PRKAB2: variants seen among roughly 807,000 people sequenced by gnomAD.
PRKAB2 encodes protein kinase AMP-activated non-catalytic subunit beta 2.
A neutral mutation model predicts 29.8 loss-of-function variants in PRKAB2; 18 were observed. That is an observed-to-expected ratio of 0.60 (90% CI 0.42 to 0.89). The LOEUF is 0.89. Among genes scored for constraint, PRKAB2 ranks in the 40% least tolerant of loss-of-function variants. The probability of loss-of-function intolerance (pLI) is 0.00; values close to 1 mark genes in which losing one functional copy is unlikely to be tolerated. For synonymous variants in PRKAB2, 136 were observed against 125.9 expected, an observed-to-expected ratio of 1.08 and a Z score of -0.54; for missense variants, 270 against 344.3, an observed-to-expected ratio of 0.78 and a Z score of 1.71.
At chr1:147,164,661 T>C (rs150170633) in intron 5 of PRKAB2, among the ~76,000 whole-genome samples, 1 of 152,312 alleles carries the variant, frequency 6.6e-6, no homozygotes, top group East Asian at 1.9e-4. Flanking sequence ...AAAAAATAAA[T>C]ACAAATTGGT....
chr1:147,161,857 T>C lies in PRKAB2; in HGVS notation c.673-77A>G, dbSNP rs1465375785. 4 of 1,174,444 alleles carry C rather than the reference T, an allele frequency of 3.4e-6. No individual in the cohort carries two copies. The Admixed American group carries it at 7.0e-5, about 21-fold the overall frequency. The allele number at this position is 1,174,444 out of a possible 1,614,324, so 72.8% of individuals were successfully genotyped here. On this transcript the variant is annotated intron_variant, in intron 6 of 7. Coordinates refer to ENST00000254101, the MANE Select transcript of PRKAB2 (RefSeq NM_005399.5). ...CACAGACAAACCAAACAGCTTACTC[T>C]TCCTCAGAGCTCTTTGAGAAATTTA...
intron 2 of PRKAB2, 58 bp from the exon 3 acceptor site, chr1:147,167,991 G>A (rs1291148345): frequency 3.9e-6 from 6 of 1,542,552 alleles, no homozygotes; most frequent in Non-Finnish European, 5.3e-6. Flanking sequence ...TTCTAAAAAG[G>A]TCACTCTCCT....
intron 1 of PRKAB2, 41 bp downstream of exon 1, chr1:147,172,388 G>C (rs1337303444): frequency 1.8e-6 from 1 of 566,552 alleles, no homozygotes; most frequent in Non-Finnish European, 3.0e-6. Context: ...CCTCCCCCGC[G>C]TCCCCGCGCT....
In PRKAB2 at chr1:147,167,807, A is replaced by T; in HGVS notation, c.283T>A (p.Ser95Thr). Reference sequence around the variant, plus strand: ...ATCTTGGTGCTCCAATTGTTGAAGGACCCAGAGATGAAGACCTCCTTGCCT... The same window carrying T: ...ATCTTGGTGCTCCAATTGTTGAAGGTCCCAGAGATGAAGACCTCCTTGCCT... ...EGGKEVFISG[S>T]FNNWSTKIPL... is the part of the protein sequence containing the mutation. The change falls in exon 3 of 8, where the codon TCC becomes ACC. Residue 95 changes from serine to threonine, a missense_variant. This residue lies in a region of PRKAB2 where 228 missense variants were observed against 255.5 expected (regional missense o/e 0.89). Transcript: ENST00000254101. 6.2e-7 allele frequency: 1 copy of T among 1,614,080 alleles called. No homozygotes were observed. The highest frequency in any genetic ancestry group is 8.5e-7 in the Non-Finnish European group (1 of 1,179,976).
intron 5 of PRKAB2, 105 bp downstream of exon 5, chr1:147,166,393 C>A (rs1483012094): frequency 6.3e-6 from 8 of 1,263,940 alleles, no homozygotes; most frequent in African/African-American, 3.0e-5. Context: ...TCCCCCCAAC[C>A]CCCTGCTCTC....
In PRKAB2 at chr1:147,159,692, G is replaced by A. The variant is rs186164645; in HGVS notation, c.742-50C>T. 1,680 of 1,522,078 alleles carry A rather than the reference G, an allele frequency of 1.1e-3. 5 individuals are homozygous for A. The highest frequency in any genetic ancestry group is 8.7e-3 in the Middle Eastern group (51 of 5,892). 94.3% of individuals were successfully genotyped at this position (1,522,078 alleles called of 1,614,324 possible). A position where few individuals can be genotyped will look rare whatever the true frequency, so the allele number is the denominator to read the frequency against. ...GCTAATTCATTACTTCAGACAGTAG[G>A]TAGCTCTTCCCAGTCATCAGTCCTT... On this transcript the variant is annotated intron_variant, in intron 7 of 7. Coordinates refer to ENST00000254101, the MANE Select transcript of PRKAB2 (RefSeq NM_005399.5).
At chr1:147,163,053 A>G (rs1408611805) in intron 5 of PRKAB2, among the ~76,000 whole-genome samples, 1 of 144,628 alleles carries the variant, frequency 6.9e-6, no homozygotes, top group Non-Finnish European at 1.5e-5. Context: ...AACTCCTAAG[A>G]CTACCAATAC....
Position 147,166,547 on chromosome 1 carries a change from G to A in PRKAB2, c.489C>T (p.Phe163=), listed in dbSNP as rs781902075. 1.3e-5 allele frequency: 21 copies of A among 1,613,664 alleles called. No individual in the cohort carries two copies. The Admixed American group carries it at 2.2e-4, about 17-fold the overall frequency. Residue 163 remains phenylalanine, a synonymous_variant, in exon 5 of 8, where the codon TTC becomes TTT. Coordinates refer to ENST00000254101, the MANE Select transcript of PRKAB2 (RefSeq NM_005399.5). ...CCATAGAATCTAACTTTAAAGCATC[G>A]AACACCTCAAAATCAGATTTCTTGA... ...IHVKKSDFEV[F]DALKLDSMES...
intron 5 of PRKAB2, among the ~76,000 whole-genome samples, chr1:147,164,530 T>C (rs1654137646): frequency 6.6e-6 from 1 of 152,206 alleles, no homozygotes; most frequent in African/African-American, 2.4e-5. Flanking sequence ...TATTAAATAA[T>C]ATCTTTAAAA....
At chr1:147,163,735 C>T (rs1383318339) in intron 5 of PRKAB2, among the ~76,000 whole-genome samples, 4 of 151,732 alleles carry the variant, frequency 2.6e-5, no homozygotes, top group African/African-American at 9.7e-5. Flanking sequence ...GTTTATTCTG[C>T]GGGTGATAAA....
intron 2 of PRKAB2, among the ~76,000 whole-genome samples, chr1:147,168,452 G>C (rs1654358979): frequency 6.6e-6 from 1 of 152,160 alleles, no homozygotes; most frequent in Non-Finnish European, 1.5e-5. Flanking sequence ...TTTCAGCTAA[G>C]AAGTAAAAAG....
chr1:147,159,475 T>G lies in PRKAB2; in HGVS notation c.*90A>C, dbSNP rs1368296898. On this transcript the variant is annotated 3_prime_UTR_variant, in exon 8 of 8. Transcript: ENST00000254101. Reference sequence around the variant, plus strand: ...ACACACATATCAGCCTCAAAGCAAATCAGCCTTCCAGTCTCAGGTAAGACT... The same window carrying G: ...ACACACATATCAGCCTCAAAGCAAAGCAGCCTTCCAGTCTCAGGTAAGACT... 2 of 1,181,780 alleles carry G rather than the reference T, an allele frequency of 1.7e-6. No individual in the cohort carries two copies. Among genetic ancestry groups the G allele is most frequent in the Non-Finnish European group, 2.5e-6 (2 of 812,578 alleles). 73.2% of individuals were successfully genotyped at this position (1,181,780 alleles called of 1,614,324 possible).
In PRKAB2 at chr1:147,172,193, G is replaced by A. The variant is rs782581851; in HGVS notation, c.-23-26C>T. 8.0e-6 allele frequency: 12 copies of A among 1,502,466 alleles called. No individual in the cohort carries two copies. The South Asian group carries it at 1.4e-4, about 18-fold the overall frequency. 93.1% of individuals were successfully genotyped at this position (1,502,466 alleles called of 1,614,324 possible). A position where few individuals can be genotyped will look rare whatever the true frequency, so the allele number is the denominator to read the frequency against. ...CTACCGCGGGGAACGACACCGGGCT[G>A]GGAACACCTCAGCCGCCGCGTCAGG... On this transcript the variant is annotated intron_variant, in intron 1 of 7. Transcript: ENST00000254101.
intron 5 of PRKAB2, among the ~76,000 whole-genome samples, chr1:147,165,399 G>A (rs1165211657): frequency 6.6e-6 from 1 of 152,120 alleles, no homozygotes; most frequent in Non-Finnish European, 1.5e-5. Flanking sequence ...AAGGTATTGT[G>A]CCTCCTCAGC....
rs1653809257 is a variant in PRKAB2 at position 147,158,957 on chromosome 1, T to G, written c.*608A>C. The G allele has an allele frequency of 6.6e-6, 1 of 152,046 alleles. No individual in the cohort carries two copies. The highest frequency in any genetic ancestry group is 2.4e-5 in the African/African-American group (1 of 41,350). 9.4% of individuals were successfully genotyped at this position (152,046 alleles called of 1,614,324 possible). A position where few individuals can be genotyped will look rare whatever the true frequency, so the allele number is the denominator to read the frequency against. ...CAATAAGTTTTGTGTTAGAGAGGGG[T>G]CAGGTATGGGATCTGAAGGAGGCTA... On this transcript the variant is annotated 3_prime_UTR_variant, in exon 8 of 8. Coordinates refer to ENST00000254101, the MANE Select transcript of PRKAB2 (RefSeq NM_005399.5).
chr1:147,164,366 G>C (rs1247307869), intron 5 of PRKAB2, among the ~76,000 whole-genome samples: 2 of 152,152 alleles, frequency 1.3e-5, no homozygotes, highest in Admixed American at 1.3e-4. Flanking sequence ...AAATGTTTGA[G>C]ATGAATATGC....
chr1:147,162,702 G>A (rs1654030290), intron 5 of PRKAB2, 129 bp from the exon 6 acceptor site: 1 of 971,328 alleles, frequency 1.0e-6, no homozygotes, highest in African/African-American at 1.7e-5. Context: ...TGTGACCTGT[G>A]GGATCTACAG....
rs1653788027 is a variant in PRKAB2, at chr1:147,158,553, G to T, written c.*1012C>A. The stretch of plus-strand genomic sequence containing the variant: ...TCCAATGCGGTCTCTTAAGACCAAT[G>T]AAAAGGCATTTTTTAATTAAAAAAA... On this transcript the variant is annotated 3_prime_UTR_variant, in exon 8 of 8. Coordinates refer to ENST00000254101, the MANE Select transcript of PRKAB2 (RefSeq NM_005399.5). 6.6e-6 allele frequency: 1 copy of T among 151,836 alleles called. No homozygotes were observed. The highest frequency in any genetic ancestry group is 1.5e-5 in the Non-Finnish European group (1 of 67,952). 9.4% of individuals were successfully genotyped at this position (151,836 alleles called of 1,614,324 possible).
chr1:147,172,325 G>T (rs1654699869), intron 1 of PRKAB2, 104 bp downstream of exon 1: 2 of 809,358 alleles, frequency 2.5e-6, no homozygotes, highest in Non-Finnish European at 3.7e-6. Flanking sequence ...GGGAACGCCT[G>T]CAAATACCCC....
Sources: allele counts gnomAD v4.1 joint callset (sites outside exome capture counted in the v4.1 genomes callset), GRCh38; gene constraint gnomAD v4.1.1; regional missense constraint gnomAD v4.1.1; transcripts MANE v1.5; gene names NCBI Gene and HGNC (gene_info 2026-07-23, HGNC 2026-07-21).